HSDL2: variants seen among roughly 807,000 people sequenced by gnomAD.
HSDL2 encodes hydroxysteroid dehydrogenase-like protein 2.
HSDL2 carries 27 observed loss-of-function variants against 46.3 expected under a neutral mutation model. The observed-to-expected ratio is 0.58, with a 90% CI of 0.43 to 0.80. HSDL2 has a LOEUF of 0.80. Ranked by LOEUF, HSDL2 falls within the 30% of genes least tolerant of loss-of-function variation. HSDL2 has a pLI of 0.00. For synonymous variants in HSDL2, 153 were observed against 163.6 expected (o/e 0.94, Z 0.50); for missense variants, 451 against 502.7 (o/e 0.90, Z 0.98).
intron 6 of HSDL2, among the ~76,000 whole-genome samples, chr9:112,420,517 A>AG (rs141137326): frequency 2.2e-5 from 1 of 45,838 alleles, no homozygotes. Context: ...AAAAAAAAAA[A>AG]CACACACAAA....
At chr9:112,418,272 G>A (rs79326788) in intron 5 of HSDL2, among the ~76,000 whole-genome samples, 2,509 of 151,772 alleles carry the variant, frequency 0.017, 36 homozygotes, top group Middle Eastern at 0.068. Flanking sequence ...TTATATTATT[G>A]AAAAGAATTC....
Position 112,445,821 on chromosome 9 carries a change from G to A in HSDL2, c.865+4051G>A, listed in dbSNP as rs139583252. ...TTACAGGCATGAGCCACTGTGCCTG[G>A]CCAAAGCTTTATTTTTTTTTATAGC... On this transcript the variant is annotated intron_variant, in intron 8 of 10. Transcript: ENST00000398805. 6.3e-5 allele frequency among the ~76,000 whole-genome samples: 8 copies of A among 127,048 alleles called. No individual in the cohort carries two copies. The South Asian group carries it at 1.7e-3, about 27-fold the overall frequency. 83.3% of individuals were successfully genotyped at this position (127,048 alleles called of 152,430 possible).
chr9:112,384,245 G>GTAAATTAAA (rs1326295231), intron 1 of HSDL2, among the ~76,000 whole-genome samples: 2,836 of 152,216 alleles, frequency 0.019, 95 homozygotes, highest in African/African-American at 0.064. Context: ...CTGTAAGTTA[G>GTAAATTAAA]CTCTTCATCA....
chr9:112,433,118 G>A (rs1832446297), intron 6 of HSDL2, among the ~76,000 whole-genome samples: 1 of 152,148 alleles, frequency 6.6e-6, no homozygotes, highest in African/African-American at 2.4e-5. Flanking sequence ...TAAAGGATCA[G>A]AGCAGTAGAT....
At chr9:112,432,005 G>C (rs1347859371) in intron 6 of HSDL2, among the ~76,000 whole-genome samples, 2 of 151,566 alleles carry the variant, frequency 1.3e-5, no homozygotes, top group Non-Finnish European at 2.9e-5. Context: ...TCAGCCTCTT[G>C]AGTAGCTGGG....
At chr9:112,434,438 A>T (rs1329344933) in intron 6 of HSDL2, among the ~76,000 whole-genome samples, 2 of 152,224 alleles carry the variant, frequency 1.3e-5, no homozygotes, top group Non-Finnish European at 2.9e-5. Flanking sequence ...TGGTGCTAGA[A>T]ATCAAAACCT....
chr9:112,466,370 T>C (rs1288674336), intron 10 of HSDL2, among the ~76,000 whole-genome samples: 1 of 152,160 alleles, frequency 6.6e-6, no homozygotes, highest in Non-Finnish European at 1.5e-5. Context: ...CTGGCCAACA[T>C]GGTGAAACCC....
At chr9:112,394,804 C>T (rs1226423751) in intron 1 of HSDL2, among the ~76,000 whole-genome samples, 2 of 152,256 alleles carry the variant, frequency 1.3e-5, no homozygotes, top group East Asian at 3.9e-4. Flanking sequence ...CCCATAGTAA[C>T]ATTAAATGCA....
At chr9:112,447,067 A>C (rs1371738329) in intron 8 of HSDL2, among the ~76,000 whole-genome samples, 1 of 152,200 alleles carries the variant, frequency 6.6e-6, no homozygotes, top group African/African-American at 2.4e-5. Flanking sequence ...AGATTCAGAC[A>C]ATAGATTGTG....
intron 7 of HSDL2, 50 bp downstream of exon 7, chr9:112,438,675 C>T (rs1373977934): frequency 9.3e-7 from 1 of 1,073,936 alleles, no homozygotes; most frequent in African/African-American, 1.6e-5. Context: ...TCCATATTTT[C>T]TGCAATGAAC....
At chr9:112,468,264 T>C (rs1296313105) in intron 10 of HSDL2, among the ~76,000 whole-genome samples, 1 of 152,220 alleles carries the variant, frequency 6.6e-6, no homozygotes, top group Non-Finnish European at 1.5e-5. Context: ...AATGTCATTT[T>C]CCCAGCCCCT....
intron 6 of HSDL2, among the ~76,000 whole-genome samples, chr9:112,428,518 G>A (rs1376692226): frequency 6.6e-6 from 1 of 152,180 alleles, no homozygotes; most frequent in Non-Finnish European, 1.5e-5. Flanking sequence ...AATCAATTTA[G>A]TGGATTGTGA....
At chr9:112,390,857 A>C (rs1191073748) in intron 1 of HSDL2, among the ~76,000 whole-genome samples, 2 of 152,170 alleles carry the variant, frequency 1.3e-5, no homozygotes, top group African/African-American at 2.4e-5. Context: ...CCTGGCCATA[A>C]AAGAAAAGAA....
intron 10 of HSDL2, among the ~76,000 whole-genome samples, chr9:112,463,304 C>T (rs1014124275): frequency 6.0e-5 from 9 of 149,280 alleles, no homozygotes; most frequent in Admixed American, 2.7e-4. Flanking sequence ...GATAGGGTCT[C>T]GCTTTGCTGC....
At chr9:112,412,174 G>A (rs1450885348) in intron 4 of HSDL2, among the ~76,000 whole-genome samples, 1 of 152,206 alleles carries the variant, frequency 6.6e-6, no homozygotes, top group Non-Finnish European at 1.5e-5. Flanking sequence ...AACTGGTTAA[G>A]TATAATGCAG....
intron 1 of HSDL2, among the ~76,000 whole-genome samples, chr9:112,386,196 G>A (rs1201961369): frequency 6.6e-6 from 1 of 151,792 alleles, no homozygotes; most frequent in East Asian, 1.9e-4. Flanking sequence ...TATTATTATT[G>A]TACTCTTTCT....
At chr9:112,410,021 T>TAAA (rs547383495) in intron 4 of HSDL2, among the ~76,000 whole-genome samples, 4 of 144,818 alleles carry the variant, frequency 2.8e-5, no homozygotes, top group African/African-American at 1.0e-4. Context: ...GACCTGGCGT[T>TAAA]AAAAAAAAAA....
intron 9 of HSDL2, among the ~76,000 whole-genome samples, chr9:112,454,661 G>A (rs776783981): frequency 6.6e-6 from 1 of 151,904 alleles, no homozygotes; most frequent in Non-Finnish European, 1.5e-5. Context: ...TAACCAGGTC[G>A]GTCTGACGGT....
intron 4 of HSDL2, among the ~76,000 whole-genome samples, chr9:112,414,997 CTAGAAGTCA>C (rs1289924248): frequency 2.0e-5 from 3 of 151,508 alleles, no homozygotes; most frequent in Non-Finnish European, 4.4e-5. Flanking sequence ...CCTAGAAGTC[CTAGAAGTCA>C]TTGAATGTAA....
Sources: allele counts gnomAD v4.1 joint callset (sites outside exome capture counted in the v4.1 genomes callset), GRCh38; gene constraint gnomAD v4.1.1; transcripts MANE v1.5; gene names NCBI Gene and HGNC (gene_info 2026-07-23, HGNC 2026-07-21).